CPA6: variants seen among roughly 807,000 people sequenced by gnomAD.
CPA6 encodes carboxypeptidase B.
Under a neutral mutation model 63.3 loss-of-function variants are expected in CPA6, and 58 were observed. The ratio of observed to expected loss-of-function variants is 0.92; its 90% CI spans 0.74 to 1.14. The LOEUF is 1.14. CPA6 is among the 50% of genes most tolerant of loss of function. The pLI, the probability that CPA6 is intolerant of heterozygous loss-of-function variation, is 0.00. For missense variants in CPA6, 565 were observed against 526.6 expected (o/e 1.07, Z -0.71); for synonymous variants, 185 against 179.0 (o/e 1.03, Z -0.27).
chr8:67,499,171 G>A (rs1364000613), intron 6 of CPA6, among the ~76,000 whole-genome samples: 2 of 152,200 alleles, frequency 1.3e-5, no homozygotes, highest in Non-Finnish European at 2.9e-5. Context: ...TTGGAATGGA[G>A]GCAGAAGTGG....
At position 67,438,442 on chromosome 8, in the gene CPA6, G is replaced by A. The variant is rs79405413; in HGVS notation, c.839-4202C>T. ...CTATATCCAATGTTTTTATTAAAAA[G>A]GAATTTTGAATCTAGGCTTCTATAT... On this transcript the variant is annotated intron_variant, in intron 8 of 10. Transcript: ENST00000297770. Among the ~76,000 whole-genome samples the A allele has an allele frequency of 7.2e-3, 1,096 of 152,256 alleles. 11 individuals are homozygous for A. Among genetic ancestry groups the A allele is most frequent in the African/African-American group, 0.025 (1,055 of 41,538 alleles).
chr8:67,512,264 C>T (rs986380297), intron 3 of CPA6, among the ~76,000 whole-genome samples: 18 of 152,198 alleles, frequency 1.2e-4, no homozygotes, highest in African/African-American at 3.9e-4. Flanking sequence ...CCTGCTGCTT[C>T]TTCCTGCACA....
At chr8:67,541,139 A>G (rs1812694966) in intron 2 of CPA6, among the ~76,000 whole-genome samples, 2 of 151,680 alleles carry the variant, frequency 1.3e-5, no homozygotes, top group Non-Finnish European at 2.9e-5. Context: ...ATGGCCACCC[A>G]GTTTTGTGCT....
intron 2 of CPA6, among the ~76,000 whole-genome samples, chr8:67,537,086 A>C (rs943316438): frequency 1.3e-5 from 2 of 152,100 alleles, no homozygotes; most frequent in Non-Finnish European, 2.9e-5. Context: ...GTGCTGCTGG[A>C]TTCTGTTTGC....
intron 1 of CPA6, among the ~76,000 whole-genome samples, chr8:67,653,015 G>A (rs997230592): frequency 6.6e-6 from 1 of 152,086 alleles, no homozygotes. Flanking sequence ...CCCATTGCTT[G>A]TTTTTTCTCA....
chr8:67,521,661 T>C (rs1812260457), intron 2 of CPA6, among the ~76,000 whole-genome samples: 1 of 152,194 alleles, frequency 6.6e-6, no homozygotes, highest in Non-Finnish European at 1.5e-5. Context: ...ATGAAGAACA[T>C]GGTGAGATTG....
intron 9 of CPA6, among the ~76,000 whole-genome samples, chr8:67,432,626 C>T (rs1810052664): frequency 6.6e-6 from 1 of 152,036 alleles, no homozygotes; most frequent in Non-Finnish European, 1.5e-5. Flanking sequence ...CCACACCTGG[C>T]TAATTTTTAA....
rs1809782593 is a variant in CPA6, at chr8:67,422,388, G to A, written c.*116C>T. 2 of 826,298 alleles carry A rather than the reference G, an allele frequency of 2.4e-6. No homozygotes were observed. The highest frequency in any genetic ancestry group is 3.7e-6 in the Non-Finnish European group (2 of 533,624). 51.2% of individuals were successfully genotyped at this position (826,298 alleles called of 1,614,324 possible). On this transcript the variant is annotated 3_prime_UTR_variant, in exon 11 of 11. Transcript: ENST00000297770. The stretch of plus-strand genomic sequence containing the variant: ...TCAAATTGCGTGGGGTCTTTTTAAA[G>A]TCCATAGACATGTTCACTCTAAGCA...
At position 67,711,722 on chromosome 8, in the gene CPA6, CAT is replaced by C. The variant is rs1554537423; in HGVS notation, c.116+34290_116+34291del. On this transcript the variant is annotated intron_variant, in intron 1 of 10. Coordinates refer to ENST00000297770, the MANE Select transcript of CPA6 (RefSeq NM_020361.5). ...ACACACACACACACACACACACACACATCTGAAAGATGGAGGGGCACCTTACA... is the reference window on the plus strand; with the variant it reads ...ACACACACACACACACACACACACACCTGAAAGATGGAGGGGCACCTTACA... Among the ~76,000 whole-genome samples, 37 of 151,096 alleles carry C rather than the reference CAT, an allele frequency of 2.4e-4. 1 individual carries two copies. The South Asian group carries it at 7.3e-3, about 30-fold the overall frequency.
chr8:67,688,465 T>C (rs193212696), intron 1 of CPA6, among the ~76,000 whole-genome samples: 3 of 152,200 alleles, frequency 2.0e-5, no homozygotes, highest in African/African-American at 7.2e-5. Flanking sequence ...CTCACAGGAC[T>C]CATTTACCCA....
At chr8:67,668,242 C>T (rs1018464927) in intron 1 of CPA6, among the ~76,000 whole-genome samples, 3 of 152,114 alleles carry the variant, frequency 2.0e-5, no homozygotes, top group Non-Finnish European at 2.9e-5. Context: ...TATACTTTAT[C>T]AAAGTAACTT....
chr8:67,616,299 T>A (rs1175026533), intron 2 of CPA6, among the ~76,000 whole-genome samples: 2 of 152,084 alleles, frequency 1.3e-5, no homozygotes, highest in East Asian at 1.9e-4. Context: ...CTTGGTTAGT[T>A]TTTCATTTCA....
chr8:67,681,967 T>C (rs1168207625), intron 1 of CPA6, among the ~76,000 whole-genome samples: 2 of 152,190 alleles, frequency 1.3e-5, no homozygotes, highest in Non-Finnish European at 2.9e-5. Flanking sequence ...TTAACTGGAA[T>C]TGCACTGAAT....
chr8:67,428,705 G>T (rs1337536951), intron 9 of CPA6, among the ~76,000 whole-genome samples: 1 of 152,060 alleles, frequency 6.6e-6, no homozygotes, highest in Non-Finnish European at 1.5e-5. Flanking sequence ...GGATGGTCTC[G>T]ATCTCCTGGC....
rs548601779 is a variant in CPA6 at position 67,585,274 on chromosome 8, C to A, written c.192+38902G>T. 1.9e-4 allele frequency among the ~76,000 whole-genome samples: 29 copies of A among 152,228 alleles called. No individual in the cohort carries two copies. In the South Asian group the frequency reaches 4.2e-3, roughly 22 times the overall value. On this transcript the variant is annotated intron_variant, in intron 2 of 10. Transcript: ENST00000297770. ...GCAGGGATGAGGCTAATGATGAAGG[C>A]ACATGTGATAGATATTTTTACATAA...
chr8:67,499,038 T>A (rs1202928040), intron 6 of CPA6, among the ~76,000 whole-genome samples: 2 of 152,216 alleles, frequency 1.3e-5, no homozygotes, highest in African/African-American at 2.4e-5. Context: ...TTTTGCAATT[T>A]TCAAAATAAT....
rs1051643375 is a variant in CPA6 at position 67,702,598 on chromosome 8, G to A, written c.116+43416C>T. Among the ~76,000 whole-genome samples the A allele has an allele frequency of 5.3e-5, 8 of 152,314 alleles. No individual in the cohort carries two copies. The East Asian group carries it at 9.6e-4, about 18-fold the overall frequency. On this transcript the variant is annotated intron_variant, in intron 1 of 10. Coordinates refer to ENST00000297770, the MANE Select transcript of CPA6 (RefSeq NM_020361.5). ...CCCAATAAGATCTTAGAAGTTGGAC[G>A]AGTGGGCTCAAGCATGCACACTAAG...
chr8:67,721,403 T>A (rs1223666912), intron 1 of CPA6, among the ~76,000 whole-genome samples: 1 of 152,264 alleles, frequency 6.6e-6, no homozygotes, highest in Non-Finnish European at 1.5e-5. Flanking sequence ...TTCTTTTGAC[T>A]TTTAAATAAG....
intron 2 of CPA6, among the ~76,000 whole-genome samples, chr8:67,589,879 A>T (rs1013274802): frequency 4.7e-5 from 7 of 148,290 alleles, no homozygotes; most frequent in Non-Finnish European, 9.0e-5. Context: ...TGTTGTTTTT[A>T]TTATTATTAT....
Sources: gnomAD v4.1 joint callset for allele counts (sites outside exome capture counted in the v4.1 genomes callset) on GRCh38, gnomAD v4.1.1 for gene constraint, MANE v1.5 for transcripts, NCBI Gene and HGNC (gene_info 2026-07-23, HGNC 2026-07-21) for gene names.